Variants in LRRTM4 observed in about 807,000 individuals in gnomAD.
LRRTM4 encodes leucine-rich repeat transmembrane neuronal protein 4.
A neutral mutation model predicts 47.6 loss-of-function variants in LRRTM4; 25 were observed. The observed-to-expected ratio is 0.53, with a 90% confidence interval of 0.38 to 0.73. LRRTM4 has a LOEUF of 0.73. LRRTM4 is among the 30% of genes least tolerant of loss of function. LRRTM4 has a pLI of 0.00. For missense variants in LRRTM4, 638 were observed against 713.4 expected (o/e 0.89, Z 1.20); for synonymous variants, 311 against 269.5 (o/e 1.15, Z -1.51).
At chr2:76,960,568 TACTC>T (rs1237129205) in intron 3 of LRRTM4, among the ~76,000 whole-genome samples, 6 of 114,906 alleles carry the variant, frequency 5.2e-5, no homozygotes, top group Admixed American at 3.2e-4. Context: ...TCAACTCAAA[TACTC>T]AATTTAGCAA....
rs545135989 is a variant in LRRTM4 at position 77,035,029 on chromosome 2, AAAT to A, written c.1552-286116_1552-286114del. ...AAATGTGATTAACTAGGCTTTTAAA[AAAT>A]AATCTTTTATTTTTATTATTTTTTT... On this transcript the variant is annotated intron_variant, in intron 3 of 3. Coordinates refer to ENST00000409884, the MANE Select transcript of LRRTM4 (RefSeq NM_001134745.3). 5.3e-4 allele frequency among the ~76,000 whole-genome samples: 81 copies of A among 151,840 alleles called. 1 individual carries two copies. The Middle Eastern group carries it at 0.024, about 45-fold the overall frequency.
chr2:76,898,974 A>T (rs1020725475), intron 3 of LRRTM4, among the ~76,000 whole-genome samples: 3 of 152,064 alleles, frequency 2.0e-5, no homozygotes, highest in African/African-American at 7.2e-5. Flanking sequence ...TTATACAAGG[A>T]TGTTCTCTTT....
chr2:77,233,202 G>A (rs1299466135), intron 3 of LRRTM4, among the ~76,000 whole-genome samples: 4 of 152,134 alleles, frequency 2.6e-5, no homozygotes, highest in Admixed American at 2.6e-4. Flanking sequence ...TTGGAGGATT[G>A]GGCCTTGCTA....
chr2:77,186,587 T>C (rs1673511401), intron 3 of LRRTM4, among the ~76,000 whole-genome samples: 1 of 152,110 alleles, frequency 6.6e-6, no homozygotes, highest in Non-Finnish European at 1.5e-5. Context: ...AATAATGAGA[T>C]TGCAGAAGCA....
At chr2:77,367,219 T>G (rs1337182880) in intron 3 of LRRTM4, among the ~76,000 whole-genome samples, 1 of 151,614 alleles carries the variant, frequency 6.6e-6, no homozygotes, top group South Asian at 2.1e-4. Flanking sequence ...TCCTAACCTC[T>G]GTGAATGCCC....
intron 3 of LRRTM4, among the ~76,000 whole-genome samples, chr2:77,029,620 C>T (rs985382872): frequency 1.3e-5 from 2 of 152,082 alleles, no homozygotes; most frequent in Non-Finnish European, 2.9e-5. Flanking sequence ...CAATATTAGC[C>T]ATCACAGAGA....
At chr2:76,916,301 C>T (rs77774676) in intron 3 of LRRTM4, among the ~76,000 whole-genome samples, 11,234 of 146,146 alleles carry the variant, frequency 0.077, 983 homozygotes, top group African/African-American at 0.21. Context: ...AGGAGAATGG[C>T]GTGAACCCGG....
intron 3 of LRRTM4, among the ~76,000 whole-genome samples, chr2:76,750,511 G>A (rs1573048868): frequency 6.6e-6 from 1 of 152,184 alleles, no homozygotes; most frequent in Middle Eastern, 3.4e-3. Context: ...TAAAATAACT[G>A]ATATTTTGTC....
chr2:77,115,520 G>A (rs1468910289), intron 3 of LRRTM4, among the ~76,000 whole-genome samples: 1 of 152,156 alleles, frequency 6.6e-6, no homozygotes, highest in Non-Finnish European at 1.5e-5. Flanking sequence ...ACTGATAAAT[G>A]TACATGAAAT....
intron 3 of LRRTM4, among the ~76,000 whole-genome samples, chr2:76,961,026 A>C (rs1675840311): frequency 6.6e-6 from 1 of 151,482 alleles, no homozygotes; most frequent in Non-Finnish European, 1.5e-5. Flanking sequence ...AGAGAATGTA[A>C]AGTTTTATTT....
At chr2:76,835,856 T>C (rs1324804665) in intron 3 of LRRTM4, among the ~76,000 whole-genome samples, 1 of 152,016 alleles carries the variant, frequency 6.6e-6, no homozygotes, top group Non-Finnish European at 1.5e-5. Flanking sequence ...ATTATGAATA[T>C]GAGTGAGAAA....
intron 3 of LRRTM4, among the ~76,000 whole-genome samples, chr2:77,333,316 T>C (rs930569568): frequency 1.1e-4 from 17 of 152,110 alleles, no homozygotes; most frequent in African/African-American, 4.1e-4. Context: ...TTGGAACAGT[T>C]TGGAAAGCTC....
At chr2:76,799,059 C>T (rs1318935303) in intron 3 of LRRTM4, among the ~76,000 whole-genome samples, 1 of 148,984 alleles carries the variant, frequency 6.7e-6, no homozygotes, top group Admixed American at 6.7e-5. Flanking sequence ...TGAAACTATT[C>T]CAATCAATAG....
At chr2:77,212,178 A>T (rs1181765277) in intron 3 of LRRTM4, among the ~76,000 whole-genome samples, 1 of 152,010 alleles carries the variant, frequency 6.6e-6, no homozygotes, top group Admixed American at 6.6e-5. Flanking sequence ...CTAGGTTTCG[A>T]ATATTTAGAA....
intron 3 of LRRTM4, among the ~76,000 whole-genome samples, chr2:76,818,067 G>A (rs1670952435): frequency 6.6e-6 from 1 of 151,914 alleles, no homozygotes; most frequent in Non-Finnish European, 1.5e-5. Flanking sequence ...CATGGCAGTT[G>A]TAGTTTGTAG....
intron 3 of LRRTM4, among the ~76,000 whole-genome samples, chr2:77,042,466 G>A (rs1679066792): frequency 6.6e-6 from 1 of 151,462 alleles, no homozygotes; most frequent in African/African-American, 2.4e-5. Flanking sequence ...AATTTACTTT[G>A]ATGTATGAAA....
intron 3 of LRRTM4, among the ~76,000 whole-genome samples, chr2:77,054,107 A>G (rs887910038): frequency 7.9e-5 from 12 of 152,158 alleles, no homozygotes; most frequent in Non-Finnish European, 1.8e-4. Flanking sequence ...TTTTCGTCCA[A>G]AACATGGGGA....
In LRRTM4 at chr2:77,048,151, A is replaced by T. The variant is rs973630090; in HGVS notation, c.1552-299235T>A. Among the ~76,000 whole-genome samples, 7 of 152,064 alleles carry T rather than the reference A, an allele frequency of 4.6e-5. No homozygotes were observed. The South Asian group carries it at 8.3e-4, about 18-fold the overall frequency. On this transcript the variant is annotated intron_variant, in intron 3 of 3. Coordinates refer to ENST00000409884, the MANE Select transcript of LRRTM4 (RefSeq NM_001134745.3). ...AAGATATTATGTTAGGGAAAAAATG[A>T]AGCAGCATGTGCTTCTGCTTATACA...
At chr2:77,315,424 T>C (rs1401174538) in intron 3 of LRRTM4, among the ~76,000 whole-genome samples, 1 of 152,196 alleles carries the variant, frequency 6.6e-6, no homozygotes, top group African/African-American at 2.4e-5. Context: ...AGATAGTTTT[T>C]GTCACTGAAG....
Sources: gnomAD v4.1 joint callset for allele counts (sites outside exome capture counted in the v4.1 genomes callset) on GRCh38, gnomAD v4.1.1 for gene constraint, MANE v1.5 for transcripts, NCBI Gene and HGNC (gene_info 2026-07-23, HGNC 2026-07-21) for gene names.